SLC35D1: variants seen among roughly 807,000 people sequenced by gnomAD.
SLC35D1 encodes nucleotide sugar transporter SLC35D1.
SLC35D1 carries 31 observed loss-of-function variants against 46.7 expected under a neutral mutation model. That is an observed-to-expected ratio of 0.66 (90% CI 0.50 to 0.90). The LOEUF (loss-of-function observed/expected upper bound fraction) is 0.90. Ranked by LOEUF, SLC35D1 falls within the 40% of genes least tolerant of loss-of-function variation. SLC35D1 has a pLI of 0.00. For synonymous variants in SLC35D1, 195 were observed against 164.6 expected (o/e 1.18, Z -1.41); for missense variants, 397 against 426.2 (o/e 0.93, Z 0.60).
intron 8 of SLC35D1, among the ~76,000 whole-genome samples, chr1:67,033,090 G>A (rs964918318): frequency 6.6e-6 from 1 of 151,772 alleles, no homozygotes; most frequent in African/African-American, 2.4e-5. Context: ...TTTTTTTATG[G>A]CTGAATTGTA....
At chr1:66,986,110 A>G in the SLC35D1 span, 2 of 1,100,408 alleles carry the variant, frequency 1.8e-6, no homozygotes, top group Non-Finnish European at 2.2e-6. Flanking sequence ...AACTGTTGGC[A>G]GGCAGTATCG....
chr1:66,974,516 G>A, the SLC35D1 span, among the ~76,000 whole-genome samples: 1 of 151,780 alleles, frequency 6.6e-6, no homozygotes, highest in African/African-American at 2.4e-5. Flanking sequence ...ACCTAAGGAA[G>A]GGACCCCTGG....
At chr1:66,986,431 T>C in the SLC35D1 span, 1 of 1,612,944 alleles carries the variant, frequency 6.2e-7, no homozygotes, top group Non-Finnish European at 8.5e-7. Context: ...TTCCAGTTCA[T>C]TTTTCAGCCA....
chr1:67,010,696 A>G (rs905064023), intron 10 of SLC35D1, among the ~76,000 whole-genome samples: 6 of 152,152 alleles, frequency 3.9e-5, no homozygotes, highest in African/African-American at 1.4e-4. Context: ...CTCAATGATT[A>G]TTTCCCTTGA....
At chr1:66,985,327 A>G in the SLC35D1 span, 10 of 985,474 alleles carry the variant, frequency 1.0e-5, no homozygotes, top group African/African-American at 5.2e-5. Flanking sequence ...CTTAATACCA[A>G]TTTCTCTGAG....
At chr1:66,994,039 T>A in the SLC35D1 span, among the ~76,000 whole-genome samples, 1 of 121,192 alleles carries the variant, frequency 8.3e-6, no homozygotes, top group Non-Finnish European at 1.7e-5. Context: ...ACAATCAGCA[T>A]TCTTGTAGAT....
intron 10 of SLC35D1, among the ~76,000 whole-genome samples, chr1:67,014,365 C>G (rs1470934332): frequency 6.6e-6 from 1 of 152,128 alleles, no homozygotes; most frequent in African/African-American, 2.4e-5. Context: ...AAACTTTAAT[C>G]TTTTTCACTT....
downstream of SLC35D1, among the ~76,000 whole-genome samples, chr1:66,996,862 T>C (rs1473919187): frequency 4.0e-5 from 6 of 151,882 alleles, no homozygotes; most frequent in East Asian, 1.2e-3. Flanking sequence ...TCTAAGAGGG[T>C]TTTTTAAAGT....
the SLC35D1 span, among the ~76,000 whole-genome samples, chr1:66,993,481 G>A: frequency 4.6e-5 from 7 of 152,176 alleles, no homozygotes; most frequent in Non-Finnish European, 8.8e-5. Flanking sequence ...TGAATTTCCC[G>A]GTAGGTGGCA....
intron 8 of SLC35D1, among the ~76,000 whole-genome samples, chr1:67,029,259 T>C (rs1667973001): frequency 6.6e-6 from 1 of 152,022 alleles, no homozygotes; most frequent in African/African-American, 2.4e-5. Context: ...TACATGACTA[T>C]CTCTCCAGAC....
intron 8 of SLC35D1, among the ~76,000 whole-genome samples, chr1:67,037,592 A>G (rs1668150266): frequency 6.6e-6 from 1 of 152,196 alleles, no homozygotes; most frequent in South Asian, 2.1e-4. Context: ...ACCAATTTAC[A>G]ATTTACCAAC....
chr1:67,012,054 G>T (rs1024467246), intron 10 of SLC35D1, among the ~76,000 whole-genome samples: 6 of 152,086 alleles, frequency 3.9e-5, no homozygotes, highest in African/African-American at 1.4e-4. Context: ...TGCCATCTGG[G>T]GGCATGATTT....
the SLC35D1 span, among the ~76,000 whole-genome samples, chr1:66,989,266 G>T: frequency 6.6e-6 from 1 of 152,104 alleles, no homozygotes; most frequent in Non-Finnish European, 1.5e-5. Flanking sequence ...ATGCAAATTT[G>T]GCCTGGTTAT....
intron 7 of SLC35D1, among the ~76,000 whole-genome samples, chr1:67,044,332 GA>G (rs11305986): frequency 0.15 from 1,520 of 10,316 alleles, 11 homozygotes; most frequent in Non-Finnish European, 0.17. Context: ...GACTCCATCT[GA>G]AAAAAAAAAA....
intron 8 of SLC35D1, among the ~76,000 whole-genome samples, chr1:67,038,856 C>G (rs1668179462): frequency 6.6e-6 from 1 of 152,140 alleles, no homozygotes; most frequent in Non-Finnish European, 1.5e-5. Flanking sequence ...CACACACAAA[C>G]ACACACACAA....
At chr1:67,049,945 TATAAACAATC>T in intron 5 of SLC35D1, 95 bp from the exon 6 acceptor site, 1 of 875,984 alleles carries the variant, frequency 1.1e-6, no homozygotes, top group South Asian at 1.5e-5. Context: ...TCTCAAAAGC[TATAAACAATC>T]GTATTTTAAA....
At chr1:66,983,238 TAC>T in the SLC35D1 span, among the ~76,000 whole-genome samples, 10 of 152,262 alleles carry the variant, frequency 6.6e-5, no homozygotes, top group African/African-American at 9.6e-5. Context: ...TTTGAAATCT[TAC>T]AGTTATTTTT....
chr1:66,990,536 G>T, the SLC35D1 span, among the ~76,000 whole-genome samples: 1 of 152,042 alleles, frequency 6.6e-6, no homozygotes, highest in Non-Finnish European at 1.5e-5. Context: ...CAAAGTGTTG[G>T]GATTACAGGT....
intron 8 of SLC35D1, among the ~76,000 whole-genome samples, chr1:67,039,270 G>A (rs1377515498): frequency 2.0e-5 from 3 of 152,098 alleles, no homozygotes; most frequent in African/African-American, 7.2e-5. Flanking sequence ...GTTAATCACA[G>A]GATAGTAGTC....
Sources: gnomAD v4.1 joint callset for allele counts (sites outside exome capture counted in the v4.1 genomes callset) on GRCh38, gnomAD v4.1.1 for gene constraint, MANE v1.5 for transcripts, NCBI Gene and HGNC (gene_info 2026-07-23, HGNC 2026-07-21) for gene names.